CNTN5: variants seen among roughly 807,000 people sequenced by gnomAD.
CNTN5 encodes contactin-5.
A neutral mutation model predicts 129.1 loss-of-function variants in CNTN5; 77 were observed. The observed-to-expected ratio is 0.60, with a 90% CI of 0.50 to 0.72. CNTN5 has a LOEUF of 0.72. Ranked by LOEUF, CNTN5 falls within the 30% of genes least tolerant of loss-of-function variation. CNTN5 has a pLI of 0.00. For synonymous variants in CNTN5, 509 were observed against 465.6 expected (o/e 1.09, Z -1.20); for missense variants, 1,478 against 1,328.8 (o/e 1.11, Z -1.75).
intron 2 of CNTN5, among the ~76,000 whole-genome samples, chr11:99,514,214 T>G (rs1946955462): frequency 6.6e-6 from 1 of 152,090 alleles, no homozygotes; most frequent in Admixed American, 6.6e-5. Flanking sequence ...TACTGCAATC[T>G]CATGATCAAA....
chr11:100,124,726 A>C (rs1033874580), intron 13 of CNTN5, among the ~76,000 whole-genome samples: 9 of 152,054 alleles, frequency 5.9e-5, no homozygotes, highest in Admixed American at 6.6e-5. Context: ...CAAATTTCTG[A>C]AAGGGAACAA....
chr11:99,389,177 G>A (rs1941102515), intron 2 of CNTN5, among the ~76,000 whole-genome samples: 1 of 151,914 alleles, frequency 6.6e-6, no homozygotes, highest in Non-Finnish European at 1.5e-5. Context: ...TTACAGGCAT[G>A]TGCCACCATG....
intron 1 of CNTN5, among the ~76,000 whole-genome samples, chr11:99,198,686 A>G (rs1196545505): frequency 6.6e-6 from 1 of 152,200 alleles, no homozygotes; most frequent in East Asian, 1.9e-4. Flanking sequence ...AGTTGTCCCA[A>G]CAAGGTAAAA....
intron 1 of CNTN5, among the ~76,000 whole-genome samples, chr11:99,167,287 G>A (rs1002641004): frequency 5.3e-5 from 8 of 151,848 alleles, no homozygotes; most frequent in Non-Finnish European, 1.0e-4. Flanking sequence ...AGTGTTAAAA[G>A]GGAAGAGGTA....
intron 1 of CNTN5, among the ~76,000 whole-genome samples, chr11:99,266,816 C>T (rs933926551): frequency 2.6e-5 from 4 of 151,848 alleles, no homozygotes; most frequent in African/African-American, 9.7e-5. Context: ...TGTACTTTGC[C>T]AGAAAGGATG....
At chr11:99,032,133 A>G (rs1246896474) in intron 1 of CNTN5, among the ~76,000 whole-genome samples, 1 of 152,006 alleles carries the variant, frequency 6.6e-6, no homozygotes, top group East Asian at 1.9e-4. Flanking sequence ...TCCATGGTGT[A>G]TATGTGCCAC....
intron 1 of CNTN5, among the ~76,000 whole-genome samples, chr11:99,078,882 C>T (rs888000711): frequency 1.3e-5 from 2 of 151,550 alleles, no homozygotes; most frequent in Non-Finnish European, 2.9e-5. Context: ...TTTAATAGCA[C>T]AACAGGGTGA....
In CNTN5 at chr11:100,011,146, GC is replaced by G. The variant is rs539635646; in HGVS notation, c.980+9011del. Among the ~76,000 whole-genome samples, 33 of 152,250 alleles carry G rather than the reference GC, an allele frequency of 2.2e-4. 1 individual carries two copies. In the South Asian group the frequency reaches 5.8e-3, roughly 27 times the overall value. On this transcript the variant is annotated intron_variant, in intron 9 of 24. Coordinates refer to ENST00000524871, the MANE Select transcript of CNTN5 (RefSeq NM_014361.4). ...TTTGGCCAGACAGATGTCTCCAGAT[GC>G]TTTCACATGTTTTGGCCTTGAAAAT...
intron 6 of CNTN5, among the ~76,000 whole-genome samples, chr11:99,894,296 C>G (rs746620516): frequency 4.0e-5 from 6 of 151,808 alleles, no homozygotes; most frequent in Non-Finnish European, 8.8e-5. Context: ...GGTTTAAGTT[C>G]AATACTATTA....
chr11:100,148,308 A>AGAT (rs1024870478), intron 13 of CNTN5, among the ~76,000 whole-genome samples: 3 of 152,194 alleles, frequency 2.0e-5, no homozygotes, highest in African/African-American at 7.2e-5. Context: ...TACATGGAGA[A>AGAT]GATAATACAA....
intron 2 of CNTN5, among the ~76,000 whole-genome samples, chr11:99,409,988 A>T (rs544841000): frequency 6.6e-6 from 1 of 152,354 alleles, no homozygotes; most frequent in African/African-American, 2.4e-5. Context: ...CTCTCAGGTT[A>T]TTCATTTATC....
chr11:100,197,978 G>A (rs1394154876), intron 15 of CNTN5, among the ~76,000 whole-genome samples: 2 of 151,796 alleles, frequency 1.3e-5, no homozygotes, highest in Non-Finnish European at 2.9e-5. Flanking sequence ...GGAATTTTGA[G>A]CCCATTTTTT....
At chr11:100,039,975 A>T (rs1942275798) in intron 9 of CNTN5, among the ~76,000 whole-genome samples, 2 of 152,098 alleles carry the variant, frequency 1.3e-5, no homozygotes, top group South Asian at 4.1e-4. Flanking sequence ...AACTCGTCAA[A>T]GTCATTCTCC....
rs183997914 is a variant in CNTN5, at chr11:99,619,057, A to G, written c.55+62788A>G. Reference sequence around the variant, plus strand: ...TCAATGAAAGCTTATAAAATCATTTAATGTCACCAAATGGAAAAAAAGGTG... The same window carrying G: ...TCAATGAAAGCTTATAAAATCATTTGATGTCACCAAATGGAAAAAAAGGTG... On this transcript the variant is annotated intron_variant, in intron 3 of 24. Transcript: ENST00000524871. Among the ~76,000 whole-genome samples the G allele has an allele frequency of 4.3e-3, 648 of 152,280 alleles. 5 individuals carry two copies. The highest frequency in any genetic ancestry group is 0.015 in the African/African-American group (613 of 41,562).
intron 1 of CNTN5, among the ~76,000 whole-genome samples, chr11:99,298,762 T>G (rs1864495903): frequency 6.6e-6 from 1 of 152,052 alleles, no homozygotes; most frequent in Non-Finnish European, 1.5e-5. Context: ...ATGGCTAATG[T>G]CAGCATAATC....
chr11:99,854,410 T>C (rs1371354096), intron 6 of CNTN5, among the ~76,000 whole-genome samples: 1 of 152,134 alleles, frequency 6.6e-6, no homozygotes, highest in Non-Finnish European at 1.5e-5. Flanking sequence ...TCCAGAGAAC[T>C]CTGTAGGGAA....
chr11:99,035,566 T>C (rs1447788424), intron 1 of CNTN5, among the ~76,000 whole-genome samples: 1 of 147,780 alleles, frequency 6.8e-6, no homozygotes, highest in Non-Finnish European at 1.5e-5. Flanking sequence ...GTTTAAAGTC[T>C]GTTTTATCAG....
chr11:99,433,409 G>GTGTGTGTGTGTCTT, intron 2 of CNTN5, among the ~76,000 whole-genome samples: 1 of 147,892 alleles, frequency 6.8e-6, no homozygotes, highest in Admixed American at 6.8e-5. Flanking sequence ...GTGTCTTTGT[G>GTGTGTGTGTGTCTT]TGTGTGTGTG....
At chr11:99,284,823 G>A (rs1463426122) in intron 1 of CNTN5, among the ~76,000 whole-genome samples, 1 of 151,978 alleles carries the variant, frequency 6.6e-6, no homozygotes. Context: ...AACCCATGCT[G>A]CTGGATAGTA....
Sources: allele counts gnomAD v4.1 joint callset (sites outside exome capture counted in the v4.1 genomes callset), GRCh38; gene constraint gnomAD v4.1.1; transcripts MANE v1.5; gene names NCBI Gene and HGNC (gene_info 2026-07-23, HGNC 2026-07-21).